The following NUP155 variants were observed in gnomAD, a reference collection of about 807,000 sequenced individuals.
NUP155 encodes the protein nucleoporin 155, also known as nuclear pore complex protein Nup155.
A neutral mutation model predicts 180.4 loss-of-function variants in NUP155; 71 were observed. The ratio of observed to expected loss-of-function variants is 0.39; its 90% CI spans 0.33 to 0.48. The LOEUF (loss-of-function observed/expected upper bound fraction) is 0.48, where lower values mean the gene tolerates loss of function less well. NUP155 is among the 20% of genes least tolerant of loss of function. The pLI is 0.91. For missense variants in NUP155, 1,553 were observed against 1,648.9 expected (o/e 0.94, Z 1.01); for synonymous variants, 582 against 559.5 (o/e 1.04, Z -0.57).
chr5:37,308,579 T>C (rs1743316341), intron 24 of NUP155, among the ~76,000 whole-genome samples: 1 of 152,024 alleles, frequency 6.6e-6, no homozygotes, highest in Admixed American at 6.6e-5. Flanking sequence ...GCGCCTGTAG[T>C]CCCAGCTACT....
At chr5:37,292,233 T>C (rs1001405136) in intron 34 of NUP155, among the ~76,000 whole-genome samples, 195 bp from the exon 35 acceptor site, 1 of 150,112 alleles carries the variant, frequency 6.7e-6, no homozygotes, top group East Asian at 1.9e-4. Flanking sequence ...TTTTTTTTTT[T>C]GAGACGGAGT....
chr5:37,334,323 G>A (rs767628243), intron 12 of NUP155, among the ~76,000 whole-genome samples: 1 of 151,692 alleles, frequency 6.6e-6, no homozygotes, highest in Middle Eastern at 3.2e-3. Context: ...GGATGTTCTC[G>A]AACTCCTGGG....
At chr5:37,361,799 C>T (rs1486425455) in intron 3 of NUP155, among the ~76,000 whole-genome samples, 2 of 152,168 alleles carry the variant, frequency 1.3e-5, no homozygotes, top group African/African-American at 4.8e-5. Context: ...AATGAACACA[C>T]ACTGCTATGG....
At chr5:37,353,973 T>A (rs909701364) in intron 4 of NUP155, among the ~76,000 whole-genome samples, 3 of 152,162 alleles carry the variant, frequency 2.0e-5, no homozygotes, top group Non-Finnish European at 4.4e-5. Context: ...ACAATTAAAA[T>A]ATATATAATA....
chr5:37,317,688 C>CA, intron 21 of NUP155, among the ~76,000 whole-genome samples: 1 of 131,296 alleles, frequency 7.6e-6, no homozygotes, highest in South Asian at 2.4e-4. Flanking sequence ...CCCAATCACA[C>CA]TTTTTTTTTT....
At chr5:37,297,361 A>G (rs899844505) in intron 32 of NUP155, among the ~76,000 whole-genome samples, 2 of 151,914 alleles carry the variant, frequency 1.3e-5, no homozygotes. Context: ...CCTTAAAAAG[A>G]ACTATGTACA....
intron 15 of NUP155, 105 bp downstream of exon 15, chr5:37,329,933 A>G (rs1744845140): frequency 2.5e-6 from 2 of 796,376 alleles, no homozygotes; most frequent in Non-Finnish European, 4.3e-6. Context: ...ATTTGCCTAC[A>G]TAGTCACTCA....
intron 19 of NUP155, 120 bp downstream of exon 19, chr5:37,325,781 A>AG: frequency 1.5e-6 from 1 of 669,280 alleles, no homozygotes; most frequent in East Asian, 2.8e-5. Flanking sequence ...AAAAAAAAAA[A>AG]AAAAAAAAAA....
intron 19 of NUP155, among the ~76,000 whole-genome samples, chr5:37,324,557 T>C (rs1283360428): frequency 1.3e-5 from 2 of 150,634 alleles, no homozygotes; most frequent in Non-Finnish European, 2.9e-5. Flanking sequence ...TCTTAGAAAC[T>C]TGAACTTTTT....
intron 22 of NUP155, among the ~76,000 whole-genome samples, chr5:37,312,058 T>C (rs901061099): frequency 6.6e-6 from 1 of 152,074 alleles, no homozygotes; most frequent in Non-Finnish European, 1.5e-5. Flanking sequence ...TAAATAAATA[T>C]TACCCTTTTG....
intron 9 of NUP155, among the ~76,000 whole-genome samples, chr5:37,344,215 C>T (rs1435224410): frequency 6.6e-6 from 1 of 151,504 alleles, no homozygotes; most frequent in Non-Finnish European, 1.5e-5. Context: ...TAGTGGCGCA[C>T]ATCTAGAGTC....
intron 4 of NUP155, among the ~76,000 whole-genome samples, chr5:37,354,704 G>A (rs914207364): frequency 4.0e-5 from 6 of 151,672 alleles, no homozygotes; most frequent in African/African-American, 9.7e-5. Flanking sequence ...TGATCTGCTC[G>A]CCTCAGCCTC....
At chr5:37,307,166 C>T (rs889385910) in intron 25 of NUP155, 131 bp downstream of exon 25, 5 of 873,056 alleles carry the variant, frequency 5.7e-6, no homozygotes, top group Non-Finnish European at 8.8e-6. Flanking sequence ...CGACTGCACT[C>T]CAGCCCAGGT....
At chr5:37,353,033 G>A (rs1358338507) in intron 4 of NUP155, among the ~76,000 whole-genome samples, 3 of 151,618 alleles carry the variant, frequency 2.0e-5, no homozygotes, top group Non-Finnish European at 4.4e-5. Context: ...TAATGAAGAG[G>A]AAAAAAAGTT....
intron 32 of NUP155, among the ~76,000 whole-genome samples, chr5:37,296,795 GC>G (rs1205021776): frequency 1.3e-5 from 2 of 152,086 alleles, no homozygotes; most frequent in African/African-American, 2.4e-5. Flanking sequence ...GTTTTTTAAT[GC>G]CCCACCCCTA....
chr5:37,344,450 G>A (rs1745944431), intron 9 of NUP155, among the ~76,000 whole-genome samples: 1 of 144,642 alleles, frequency 6.9e-6, no homozygotes, highest in African/African-American at 2.6e-5. Context: ...GATATATTCA[G>A]AAATTTGTAT....
chr5:37,333,043 A>G (rs1012379941), intron 13 of NUP155, among the ~76,000 whole-genome samples: 6 of 152,260 alleles, frequency 3.9e-5, no homozygotes, highest in Non-Finnish European at 7.4e-5. Flanking sequence ...GAAAAATCTC[A>G]ATAAACAAAG....
At chr5:37,358,243 C>G in intron 3 of NUP155, 92 bp from the exon 4 acceptor site, 1 of 895,162 alleles carries the variant, frequency 1.1e-6, no homozygotes. Context: ...CTTTGGGAGT[C>G]TGAGGCAGGA....
At position 37,297,934 on chromosome 5, in the gene NUP155, G is replaced by GA. The variant is rs11303544; in HGVS notation, c.3793+933dup. On this transcript the variant is annotated intron_variant, in intron 32 of 34. Transcript: ENST00000231498. ...TGTAAACAAGTTTGAATGCTCATTTGAAAAAAAAAAAAAAAAAATTAGGCT... is the reference window on the plus strand; with the variant it reads ...TGTAAACAAGTTTGAATGCTCATTTGAAAAAAAAAAAAAAAAAAATTAGGCT... Among the ~76,000 whole-genome samples, 328 of 132,820 alleles carry GA rather than the reference G, an allele frequency of 2.5e-3. 2 individuals are homozygous for GA. Among genetic ancestry groups the GA allele is most frequent in the East Asian group, 0.014 (61 of 4,308 alleles). The allele number at this position is 132,820 out of a possible 152,430, so 87.1% of individuals were successfully genotyped here.
Sources: allele counts gnomAD v4.1 joint callset (sites outside exome capture counted in the v4.1 genomes callset), GRCh38; gene constraint gnomAD v4.1.1; transcripts MANE v1.5; gene names NCBI Gene and HGNC (gene_info 2026-07-23, HGNC 2026-07-21).